Variants in UNC13C observed in about 807,000 individuals in gnomAD.
UNC13C encodes unc-13 homolog C.
Under a neutral mutation model 245.4 loss-of-function variants are expected in UNC13C, and 174 were observed. The ratio of observed to expected loss-of-function variants is 0.71; its 90% CI spans 0.63 to 0.80. UNC13C has a LOEUF of 0.80. Ranked by LOEUF, UNC13C falls within the 30% of genes least tolerant of loss-of-function variation. UNC13C has a pLI of 0.00. For missense variants in UNC13C, 2,829 were observed against 2,602.9 expected (o/e 1.09, Z -1.89); for synonymous variants, 992 against 895.1 (o/e 1.11, Z -1.93).
chr15:54,543,495 G>T (rs1382070983), intron 26 of UNC13C, among the ~76,000 whole-genome samples: 1 of 151,998 alleles, frequency 6.6e-6, no homozygotes, highest in Non-Finnish European at 1.5e-5. Flanking sequence ...AAAAATCAGT[G>T]AATCTAGGAG....
At chr15:54,177,118 TAAAG>T (rs1389626799) in intron 4 of UNC13C, among the ~76,000 whole-genome samples, 1 of 152,072 alleles carries the variant, frequency 6.6e-6, no homozygotes, top group Non-Finnish European at 1.5e-5. Flanking sequence ...TTTTAAAAAA[TAAAG>T]CAGCAGTATC....
At chr15:53,844,284 G>A in the UNC13C span, among the ~76,000 whole-genome samples, 1 of 152,146 alleles carries the variant, frequency 6.6e-6, no homozygotes, top group Non-Finnish European at 1.5e-5. Context: ...TATGAGATAA[G>A]GAAATTTGGT....
At chr15:54,313,718 A>G (rs964658748) in intron 13 of UNC13C, among the ~76,000 whole-genome samples, 4 of 151,814 alleles carry the variant, frequency 2.6e-5, no homozygotes, top group Admixed American at 1.3e-4. Context: ...TTATCAAAGC[A>G]TAAACCAAAC....
chr15:54,123,534 T>C (rs1303533108), intron 2 of UNC13C, among the ~76,000 whole-genome samples: 9 of 152,124 alleles, frequency 5.9e-5, no homozygotes, highest in Admixed American at 5.9e-4. Context: ...AAGTAATAAA[T>C]CAAAGTAATT....
At chr15:54,118,999 G>T (rs1383085764) in intron 2 of UNC13C, among the ~76,000 whole-genome samples, 1 of 148,732 alleles carries the variant, frequency 6.7e-6, no homozygotes, top group African/African-American at 2.5e-5. Flanking sequence ...AATCCCACTT[G>T]ATCATGGTGA....
chr15:54,514,820 T>C (rs1438755174), intron 24 of UNC13C, among the ~76,000 whole-genome samples: 1 of 152,156 alleles, frequency 6.6e-6, no homozygotes, highest in East Asian at 1.9e-4. Flanking sequence ...CTTAACACCA[T>C]GATGATCGTG....
Position 54,293,156 on chromosome 15 carries a change from A to G in UNC13C, c.3819-739A>G, listed in dbSNP as rs550004179. ...GTTGATTGCAACTAAATGGTTCAAT[A>G]AGTTGCAGGAAAAGTGATATACATC... On this transcript the variant is annotated intron_variant, in intron 10 of 32. Coordinates refer to ENST00000260323, the MANE Select transcript of UNC13C (RefSeq NM_001080534.3). 6.6e-5 allele frequency among the ~76,000 whole-genome samples: 10 copies of G among 151,962 alleles called. No individual in the cohort carries two copies. The South Asian group carries it at 2.1e-3, about 32-fold the overall frequency.
intron 19 of UNC13C, among the ~76,000 whole-genome samples, chr15:54,457,919 T>C (rs1327214785): frequency 6.6e-6 from 1 of 150,464 alleles, no homozygotes; most frequent in African/African-American, 2.4e-5. Flanking sequence ...TTTTTTTTTC[T>C]GCTACTGGAT....
At chr15:54,316,234 T>C (rs544384647) in intron 13 of UNC13C, among the ~76,000 whole-genome samples, 1 of 151,924 alleles carries the variant, frequency 6.6e-6, no homozygotes, top group Non-Finnish European at 1.5e-5. Context: ...CTCAGACTTA[T>C]CTTTGGCCAT....
the UNC13C span, among the ~76,000 whole-genome samples, chr15:53,898,637 T>C: frequency 6.6e-6 from 1 of 152,198 alleles, no homozygotes. Flanking sequence ...GTTAGGTTTT[T>C]ATTCTGGCTT....
At chr15:54,187,689 C>T (rs1046671519) in intron 4 of UNC13C, among the ~76,000 whole-genome samples, 1 of 152,094 alleles carries the variant, frequency 6.6e-6, no homozygotes, top group Non-Finnish European at 1.5e-5. Flanking sequence ...TTTCTTCTGG[C>T]ATCATATCTT....
intron 4 of UNC13C, among the ~76,000 whole-genome samples, chr15:54,212,835 C>T (rs879556989): frequency 9.2e-5 from 14 of 152,140 alleles, no homozygotes; most frequent in Middle Eastern, 6.8e-3. Flanking sequence ...TTGGAAAGCT[C>T]AATTTCAGTT....
intron 7 of UNC13C, among the ~76,000 whole-genome samples, chr15:54,249,759 C>CTTATGAATTA (rs1567134125): frequency 6.6e-6 from 1 of 152,080 alleles, no homozygotes. Flanking sequence ...GATCCTTCCC[C>CTTATGAATTA]GGTGATAGGT....
intron 2 of UNC13C, among the ~76,000 whole-genome samples, chr15:54,125,771 A>G (rs1455798361): frequency 6.6e-6 from 1 of 152,086 alleles, no homozygotes; most frequent in Non-Finnish European, 1.5e-5. Context: ...TTCTAAGTAG[A>G]TTGACTTCTA....
intron 30 of UNC13C, among the ~76,000 whole-genome samples, chr15:54,589,873 T>C (rs751073135): frequency 6.6e-6 from 1 of 152,098 alleles, no homozygotes. Flanking sequence ...AAATCCTATA[T>C]ATAGGAGGGT....
At chr15:54,553,365 T>G (rs1280436034) in intron 28 of UNC13C, among the ~76,000 whole-genome samples, 2 of 127,194 alleles carry the variant, frequency 1.6e-5, no homozygotes, top group African/African-American at 5.9e-5. Context: ...TAATATAATA[T>G]ATAATTATAT....
rs188107304 is a variant in UNC13C, at chr15:54,157,743, A to G, written c.3071+14059A>G. 1.5e-3 allele frequency among the ~76,000 whole-genome samples: 231 copies of G among 152,322 alleles called. 1 individual carries two copies. Among genetic ancestry groups the G allele is most frequent in the African/African-American group, 5.3e-3 (220 of 41,578 alleles). On this transcript the variant is annotated intron_variant, in intron 4 of 32. Coordinates refer to ENST00000260323, the MANE Select transcript of UNC13C (RefSeq NM_001080534.3). ...GTCAAAACAGCATGGTACTGGTATC[A>G]AAACAGAGATATAGACCAATGGAAC...
intron 18 of UNC13C, among the ~76,000 whole-genome samples, chr15:54,397,542 T>C (rs2040095459): frequency 6.6e-6 from 1 of 151,492 alleles, no homozygotes; most frequent in African/African-American, 2.4e-5. Context: ...TTTGTATCAG[T>C]TTGTCAATTT....
chr15:54,149,754 A>G (rs1230094620), intron 4 of UNC13C, among the ~76,000 whole-genome samples: 1 of 152,212 alleles, frequency 6.6e-6, no homozygotes, highest in African/African-American at 2.4e-5. Flanking sequence ...TGGGTTCTAC[A>G]TCTGTGGATT....
Sources: allele counts gnomAD v4.1 joint callset (sites outside exome capture counted in the v4.1 genomes callset), GRCh38; gene constraint gnomAD v4.1.1; transcripts MANE v1.5; gene names NCBI Gene and HGNC (gene_info 2026-07-23, HGNC 2026-07-21).